SUCLG2: variants seen among roughly 807,000 people sequenced by gnomAD.
SUCLG2 encodes the protein succinate--CoA ligase [GDP-forming] subunit beta, mitochondrial.
SUCLG2 carries 42 observed loss-of-function variants against 47.9 expected under a neutral mutation model. The observed-to-expected ratio is 0.88, with a 90% confidence interval of 0.69 to 1.14. The LOEUF is 1.14. Among genes scored for constraint, SUCLG2 ranks in the 50% most tolerant of loss-of-function variants. The pLI, the probability that SUCLG2 is intolerant of heterozygous loss-of-function variation, is 0.00. For missense variants in SUCLG2, 571 were observed against 525.9 expected (o/e 1.09, Z -0.84); for synonymous variants, 195 against 197.3 (o/e 0.99, Z 0.10).
rs141546828 is a variant in SUCLG2, at chr3:67,625,580, GGACA to G, written c.85-15988_85-15985del. On this transcript the variant is annotated intron_variant, in intron 1 of 10. Transcript: ENST00000307227. Reference sequence around the variant, plus strand: ...CTTGAGGACCTTTGCCTCTAAAGGAGGACAGTCAGCTCAAAATTAAAATTGATCT... The same window carrying G: ...CTTGAGGACCTTTGCCTCTAAAGGAGGTCAGCTCAAAATTAAAATTGATCT... Among the ~76,000 whole-genome samples the G allele has an allele frequency of 6.0e-3, 915 of 152,246 alleles. 10 individuals are homozygous for G. Among genetic ancestry groups the G allele is most frequent in the African/African-American group, 0.021 (864 of 41,528 alleles).
chr3:67,405,869 A>G (rs1403927637), intron 9 of SUCLG2, among the ~76,000 whole-genome samples: 1 of 152,216 alleles, frequency 6.6e-6, no homozygotes, highest in African/African-American at 2.4e-5. Flanking sequence ...TAATTATTGT[A>G]TATGTACTAA....
At chr3:67,448,318 C>A (rs1703975749) in intron 9 of SUCLG2, among the ~76,000 whole-genome samples, 1 of 152,114 alleles carries the variant, frequency 6.6e-6, no homozygotes, top group African/African-American at 2.4e-5. Flanking sequence ...ATGTAAGTCA[C>A]AGAATACATA....
chr3:67,589,633 A>G (rs1708105868), intron 2 of SUCLG2, among the ~76,000 whole-genome samples: 1 of 152,214 alleles, frequency 6.6e-6, no homozygotes, highest in African/African-American at 2.4e-5. Flanking sequence ...GAAATGGCCC[A>G]TTGTGGGCCT....
Position 67,528,062 on chromosome 3 carries a change from A to C in SUCLG2, c.417+70T>G, listed in dbSNP as rs952242183. Reference sequence around the variant, plus strand: ...CAGTACTTCATTAGATTCTGTCAAAAACTGAAGGATGGTTTTCTTTTCTAT... The same window carrying C: ...CAGTACTTCATTAGATTCTGTCAAACACTGAAGGATGGTTTTCTTTTCTAT... On this transcript the variant is annotated intron_variant, in intron 4 of 10. Coordinates refer to ENST00000307227, the MANE Select transcript of SUCLG2 (RefSeq NM_003848.4). 3 of 1,397,804 alleles carry C rather than the reference A, an allele frequency of 2.1e-6. No individual in the cohort carries two copies. The African/African-American group carries it at 4.3e-5, about 20-fold the overall frequency. 86.6% of individuals were successfully genotyped at this position (1,397,804 alleles called of 1,614,324 possible).
At chr3:67,443,013 C>T (rs929280417) in intron 9 of SUCLG2, among the ~76,000 whole-genome samples, 1 of 152,110 alleles carries the variant, frequency 6.6e-6, no homozygotes, top group East Asian at 1.9e-4. Flanking sequence ...AAAAAAAGGA[C>T]GGTTTTGCCT....
chr3:67,547,219 T>C (rs1435230614), intron 2 of SUCLG2, among the ~76,000 whole-genome samples: 1 of 152,122 alleles, frequency 6.6e-6, no homozygotes, highest in South Asian at 2.1e-4. Context: ...AGGCAATATG[T>C]GTTAAGGAGA....
At chr3:67,388,041 G>C (rs1702298033) in intron 10 of SUCLG2, among the ~76,000 whole-genome samples, 1 of 151,896 alleles carries the variant, frequency 6.6e-6, no homozygotes, top group African/African-American at 2.4e-5. Context: ...AATAGGACCT[G>C]CTTCTATCTT....
chr3:67,498,703 T>G (rs1705416515), intron 7 of SUCLG2, among the ~76,000 whole-genome samples: 1 of 152,218 alleles, frequency 6.6e-6, no homozygotes, highest in Non-Finnish European at 1.5e-5. Flanking sequence ...TTATTAATTA[T>G]TTTGTCCCCT....
chr3:67,630,187 TTAC>T, intron 1 of SUCLG2, among the ~76,000 whole-genome samples: 1 of 152,284 alleles, frequency 6.6e-6, no homozygotes, highest in South Asian at 2.1e-4. Flanking sequence ...AACTCCTTAA[TTAC>T]CTATCTTACA....
rs141769376 is a variant in SUCLG2 at position 67,501,210 on chromosome 3, A to C, written c.758-2915T>G. 1.2e-3 allele frequency among the ~76,000 whole-genome samples: 178 copies of C among 152,288 alleles called. 1 individual carries two copies. Among genetic ancestry groups the C allele is most frequent in the Non-Finnish European group, 2.0e-3 (134 of 68,012 alleles). On this transcript the variant is annotated intron_variant, in intron 7 of 10. Coordinates refer to ENST00000307227, the MANE Select transcript of SUCLG2 (RefSeq NM_003848.4). ...AGTTAAAAACACTACCTAAATATGAAGTAATTTATTTAGAGGACTTAGGAC... is the reference window on the plus strand; with the variant it reads ...AGTTAAAAACACTACCTAAATATGACGTAATTTATTTAGAGGACTTAGGAC...
intron 9 of SUCLG2, among the ~76,000 whole-genome samples, chr3:67,438,178 C>T (rs1485237995): frequency 6.6e-6 from 1 of 152,108 alleles, no homozygotes; most frequent in Non-Finnish European, 1.5e-5. Flanking sequence ...TTCTTTGAAA[C>T]CAATGAGAAC....
intron 2 of SUCLG2, among the ~76,000 whole-genome samples, chr3:67,548,481 T>C (rs1706925407): frequency 6.6e-6 from 1 of 152,228 alleles, no homozygotes; most frequent in Admixed American, 6.5e-5. Context: ...AGTATCCATA[T>C]CAGTTATTAG....
chr3:67,422,472 T>TAAAAAAAAAAAAAA (rs1559520249), intron 9 of SUCLG2, among the ~76,000 whole-genome samples: 10 of 12,342 alleles, frequency 8.1e-4, no homozygotes, highest in African/African-American at 3.0e-3. Flanking sequence ...AGACTCCATC[T>TAAAAAAAAAAAAAA]CAAAAAAAAA....
chr3:67,488,599 A>C (rs555898074), intron 9 of SUCLG2, among the ~76,000 whole-genome samples: 1 of 152,212 alleles, frequency 6.6e-6, no homozygotes, highest in Non-Finnish European at 1.5e-5. Flanking sequence ...CTAATAGTAC[A>C]ACTTTCAGAT....
chr3:67,427,388 T>A (rs925673003), intron 9 of SUCLG2, among the ~76,000 whole-genome samples: 3 of 152,128 alleles, frequency 2.0e-5, no homozygotes, highest in African/African-American at 7.2e-5. Context: ...TGCCTTAATA[T>A]CAAGGAAGCT....
intron 9 of SUCLG2, among the ~76,000 whole-genome samples, chr3:67,435,761 C>A (rs913213338): frequency 5.9e-5 from 9 of 152,178 alleles, no homozygotes; most frequent in Admixed American, 5.9e-4. Context: ...ACAGACAAGA[C>A]AACATTATAT....
At chr3:67,586,556 A>T (rs1368499455) in intron 2 of SUCLG2, among the ~76,000 whole-genome samples, 6 of 152,190 alleles carry the variant, frequency 3.9e-5, no homozygotes, top group African/African-American at 1.4e-4. Context: ...GATGTTCATG[A>T]TCCTATGGGG....
chr3:67,611,710 A>G (rs988462375), intron 1 of SUCLG2, among the ~76,000 whole-genome samples: 6 of 152,224 alleles, frequency 3.9e-5, no homozygotes, highest in African/African-American at 7.2e-5. Flanking sequence ...AACAGCCACA[A>G]TGTGGTTGTG....
Position 67,486,338 on chromosome 3 carries a change from T to C in SUCLG2, c.1062+9460A>G, listed in dbSNP as rs147644771. 3.3e-3 allele frequency among the ~76,000 whole-genome samples: 509 copies of C among 152,266 alleles called. 4 individuals carry two copies. The highest frequency in any genetic ancestry group is 0.012 in the African/African-American group (482 of 41,544). On this transcript the variant is annotated intron_variant, in intron 9 of 10. Coordinates refer to ENST00000307227, the MANE Select transcript of SUCLG2 (RefSeq NM_003848.4). The stretch of plus-strand genomic sequence containing the variant: ...AGAGAAAGAAAAGGTGTCTCTATCA[T>C]ATAATCTATGAAAAGCTGCTCATAA...
Sources: allele counts gnomAD v4.1 joint callset (sites outside exome capture counted in the v4.1 genomes callset), GRCh38; gene constraint gnomAD v4.1.1; transcripts MANE v1.5; gene names NCBI Gene and HGNC (gene_info 2026-07-23, HGNC 2026-07-21).